The following KIAA1958 variants were observed in gnomAD, a reference collection of about 807,000 sequenced individuals.
The protein encoded by KIAA1958 is uncharacterized protein KIAA1958.
KIAA1958 carries 14 observed loss-of-function variants against 47.2 expected under a neutral mutation model. The ratio of observed to expected loss-of-function variants is 0.30; its 90% CI spans 0.20 to 0.46. The LOEUF is 0.46. Among genes scored for constraint, KIAA1958 ranks in the 20% least tolerant of loss-of-function variants. The pLI, the probability that KIAA1958 is intolerant of heterozygous loss-of-function variation, is 1.00. For synonymous variants in KIAA1958, 354 were observed against 353.3 expected, an observed-to-expected ratio of 1.00 and a Z score of -0.02; for missense variants, 803 against 909.2, an observed-to-expected ratio of 0.88 and a Z score of 1.50.
At chr9:112,543,555 G>GCTT (rs1159352801) in intron 1 of KIAA1958, among the ~76,000 whole-genome samples, 1 of 118,062 alleles carries the variant, frequency 8.5e-6, no homozygotes, top group African/African-American at 3.3e-5. Flanking sequence ...TTACCATTGA[G>GCTT]CTTCTGAGCT....
At chr9:112,513,179 A>G (rs1050612528) in intron 1 of KIAA1958, among the ~76,000 whole-genome samples, 7 of 144,470 alleles carry the variant, frequency 4.8e-5, no homozygotes, top group Non-Finnish European at 7.5e-5. Context: ...TAATTTTTGT[A>G]TTTTTAGTAG....
intron 2 of KIAA1958, among the ~76,000 whole-genome samples, chr9:112,594,296 C>T (rs1835978325): frequency 6.6e-6 from 1 of 152,190 alleles, no homozygotes; most frequent in African/African-American, 2.4e-5. Flanking sequence ...AAAATACATC[C>T]TTTAAAGTGC....
chr9:112,539,864 C>G (rs3962522), intron 1 of KIAA1958, among the ~76,000 whole-genome samples: 145,087 of 151,992 alleles, frequency 0.95, 69,318 homozygotes, highest in African/African-American at 0.99. Flanking sequence ...CTAATTTTTT[C>G]TATTTTTTGA....
chr9:112,570,295 G>A (rs1312666595), intron 1 of KIAA1958, among the ~76,000 whole-genome samples: 8 of 152,160 alleles, frequency 5.3e-5, no homozygotes, highest in Non-Finnish European at 1.0e-4. Flanking sequence ...TTTTTTGAAT[G>A]GAAGCATGGT....
intron 1 of KIAA1958, among the ~76,000 whole-genome samples, chr9:112,501,765 C>G (rs968588895): frequency 1.3e-5 from 2 of 152,180 alleles, no homozygotes; most frequent in African/African-American, 2.4e-5. Context: ...CTTCTAATAA[C>G]TGTTCATTAG....
intron 1 of KIAA1958, among the ~76,000 whole-genome samples, chr9:112,570,377 CT>C (rs1341792022): frequency 2.6e-5 from 4 of 152,124 alleles, no homozygotes; most frequent in Non-Finnish European, 4.4e-5. Flanking sequence ...CACTTTTGGC[CT>C]GTGTTTTCTG....
chr9:112,635,895 T>C (rs187463911), intron 2 of KIAA1958, among the ~76,000 whole-genome samples: 1 of 151,844 alleles, frequency 6.6e-6, no homozygotes, highest in Admixed American at 6.5e-5. Flanking sequence ...CCTTCTACTT[T>C]TTTGGATAGA....
chr9:112,545,709 T>G (rs1264974916), intron 1 of KIAA1958, among the ~76,000 whole-genome samples: 3 of 152,160 alleles, frequency 2.0e-5, no homozygotes, highest in Admixed American at 2.0e-4. Context: ...AAGGCAGACT[T>G]CTGGTCTGGT....
At chr9:112,496,728 C>T (rs568613577) in intron 1 of KIAA1958, among the ~76,000 whole-genome samples, 9 of 152,232 alleles carry the variant, frequency 5.9e-5, no homozygotes, top group East Asian at 1.9e-4. Context: ...CTCTTAGGTT[C>T]TTGTGGTCTC....
chr9:112,617,202 T>C (rs1836421068), intron 2 of KIAA1958, among the ~76,000 whole-genome samples: 1 of 152,362 alleles, frequency 6.6e-6, no homozygotes, highest in South Asian at 2.1e-4. Context: ...GTAACTGTCC[T>C]GTCTTTATAG....
intron 1 of KIAA1958, among the ~76,000 whole-genome samples, chr9:112,559,662 T>A (rs1224795569): frequency 6.6e-6 from 1 of 152,222 alleles, no homozygotes; most frequent in African/African-American, 2.4e-5. Flanking sequence ...CGGGGACAGA[T>A]TCTTTGTTAT....
chr9:112,544,339 C>T (rs1216746647), intron 1 of KIAA1958, among the ~76,000 whole-genome samples: 3 of 152,184 alleles, frequency 2.0e-5, no homozygotes, highest in Non-Finnish European at 4.4e-5. Context: ...ATTGCTTTCG[C>T]ACTATAACTC....
At chr9:112,576,472 C>T (rs369939864) in intron 2 of KIAA1958, among the ~76,000 whole-genome samples, 121 of 152,148 alleles carry the variant, frequency 8.0e-4, no homozygotes, top group African/African-American at 2.8e-3. Flanking sequence ...ATATTTTCAT[C>T]ACCCCAAAAA....
chr9:112,607,749 CAAAAAAA>C (rs367932637), intron 2 of KIAA1958, among the ~76,000 whole-genome samples: 1 of 118,870 alleles, frequency 8.4e-6, no homozygotes, highest in African/African-American at 3.2e-5. Context: ...ATATCCAAGA[CAAAAAAA>C]AAAAAAAAAA....
chr9:112,638,410 G>T (rs954364361), intron 2 of KIAA1958, among the ~76,000 whole-genome samples: 1 of 152,020 alleles, frequency 6.6e-6, no homozygotes, highest in African/African-American at 2.4e-5. Context: ...GCTGAGGCAG[G>T]AAGATCTCTT....
intron 1 of KIAA1958, among the ~76,000 whole-genome samples, chr9:112,503,016 A>C (rs1241108562): frequency 6.6e-6 from 1 of 152,228 alleles, no homozygotes; most frequent in Non-Finnish European, 1.5e-5. Flanking sequence ...GATGCTAGGA[A>C]ATCAGTAAAA....
At chr9:112,548,376 A>T (rs1835079693) in intron 1 of KIAA1958, among the ~76,000 whole-genome samples, 1 of 152,158 alleles carries the variant, frequency 6.6e-6, no homozygotes, top group Admixed American at 6.5e-5. Context: ...TATACATATT[A>T]CATGTATTGG....
intron 3 of KIAA1958, among the ~76,000 whole-genome samples, chr9:112,658,037 G>T (rs902975730): frequency 6.6e-6 from 1 of 152,058 alleles, no homozygotes; most frequent in African/African-American, 2.4e-5. Context: ...TGTACTTTTA[G>T]TAGAGATGGG....
intron 1 of KIAA1958, among the ~76,000 whole-genome samples, chr9:112,533,895 T>TG (rs888253623): frequency 6.6e-6 from 1 of 152,076 alleles, no homozygotes; most frequent in African/African-American, 2.4e-5. Flanking sequence ...AGATTTTGGG[T>TG]GGGGACACAG....
Sources: gnomAD v4.1 joint callset for allele counts (sites outside exome capture counted in the v4.1 genomes callset) on GRCh38, gnomAD v4.1.1 for gene constraint, MANE v1.5 for transcripts, NCBI Gene and HGNC (gene_info 2026-07-23, HGNC 2026-07-21) for gene names.